Variants in SBNO1 observed in about 807,000 individuals in gnomAD.
SBNO1 encodes the protein strawberry notch homolog 1, also known as protein strawberry notch homolog 1.
In SBNO1, 23 loss-of-function variants were observed where a neutral mutation model predicts 173.6. The ratio of observed to expected loss-of-function variants is 0.13; its 90% CI spans 0.10 to 0.19. SBNO1 has a LOEUF of 0.19. SBNO1 is among the 10% of genes least tolerant of loss of function. SBNO1 has a pLI of 1.00. For missense variants in SBNO1, 1,238 were observed against 1,671.2 expected (o/e 0.74, Z 4.52); for synonymous variants, 632 against 571.5 (o/e 1.11, Z -1.51).
chr12:123,318,495 G>A (rs1869561566), intron 20 of SBNO1, among the ~76,000 whole-genome samples: 1 of 152,006 alleles, frequency 6.6e-6, no homozygotes, highest in South Asian at 2.1e-4. Flanking sequence ...CATTTTGGGA[G>A]GCAGAGGTGG....
Position 123,293,016 on chromosome 12 carries a change from G to C in SBNO1, c.*2892C>G, listed in dbSNP as rs2048534549. 1 of 152,178 alleles carries C rather than the reference G, an allele frequency of 6.6e-6. No homozygotes were observed. Among genetic ancestry groups the C allele is most frequent in the African/African-American group, 2.4e-5 (1 of 41,444 alleles). The allele number at this position is 152,178 out of a possible 1,614,324, so 9.4% of individuals were successfully genotyped here. ...TAACATCTGAGCTGCTTTAGACTCT[G>C]GAAGTGGTTTTCAGTACAATTGACG... is the stretch of plus-strand genomic sequence containing the variant. On this transcript the variant is annotated 3_prime_UTR_variant, in exon 32 of 32. Transcript: ENST00000602398.
intron 23 of SBNO1, among the ~76,000 whole-genome samples, chr12:123,314,571 A>G (rs1593347489): frequency 6.6e-6 from 1 of 151,562 alleles, no homozygotes; most frequent in Non-Finnish European, 1.5e-5. Context: ...CTCGTGATCC[A>G]CCCACCTCGG....
chr12:123,303,688 A>G (rs184184834), intron 29 of SBNO1, among the ~76,000 whole-genome samples: 1 of 152,160 alleles, frequency 6.6e-6, no homozygotes, highest in African/African-American at 2.4e-5. Context: ...TTAGCATAAC[A>G]AAAGTTGACA....
At chr12:123,348,563 G>A (rs1283608316) in intron 2 of SBNO1, among the ~76,000 whole-genome samples, 1 of 152,110 alleles carries the variant, frequency 6.6e-6, no homozygotes, top group Admixed American at 6.6e-5. Context: ...TCAGGAGATC[G>A]AGACCATCCT....
intron 30 of SBNO1, among the ~76,000 whole-genome samples, chr12:123,302,022 C>A (rs1382678011): frequency 1.3e-5 from 2 of 151,834 alleles, no homozygotes; most frequent in African/African-American, 4.8e-5. Context: ...CTCACCACAA[C>A]CTCCGCCTCC....
At chr12:123,332,167 CATATTTACTGTATATT>C (rs1474644879) in intron 7 of SBNO1, among the ~76,000 whole-genome samples, 1 of 152,138 alleles carries the variant, frequency 6.6e-6, no homozygotes, top group Non-Finnish European at 1.5e-5. Context: ...ATACTTTCTA[CATATTTACTGTATATT>C]ATCTCCTGCT....
At chr12:123,343,473 C>A (rs1872774494) in intron 4 of SBNO1, among the ~76,000 whole-genome samples, 2 of 151,532 alleles carry the variant, frequency 1.3e-5, no homozygotes, top group Admixed American at 1.3e-4. Flanking sequence ...TTTTCCCCTT[C>A]AGTAAAAAGA....
At chr12:123,297,098 G>A (rs999382634) in intron 31 of SBNO1, among the ~76,000 whole-genome samples, 10 of 150,340 alleles carry the variant, frequency 6.7e-5, no homozygotes, top group African/African-American at 2.4e-4. Context: ...GGTGGCTCAC[G>A]CCTATAATCC....
intron 24 of SBNO1, among the ~76,000 whole-genome samples, chr12:123,311,684 C>T (rs1868524019): frequency 7.2e-6 from 1 of 139,202 alleles, no homozygotes; most frequent in African/African-American, 2.7e-5. Flanking sequence ...TTATAATAAA[C>T]AAGTAACCTA....
Position 123,297,502 on chromosome 12 carries a change from T to C in SBNO1, c.4039+476A>G, listed in dbSNP as rs1008675898. 3.3e-4 allele frequency among the ~76,000 whole-genome samples: 49 copies of C among 148,210 alleles called. 1 individual carries two copies. Among genetic ancestry groups the C allele is most frequent in the African/African-American group, 1.1e-3 (46 of 40,522 alleles). On this transcript the variant is annotated intron_variant, in intron 31 of 31. Coordinates refer to ENST00000602398, the MANE Select transcript of SBNO1 (RefSeq NM_001167856.3). ...AAGGCTGCTGTAAGCGAAACCAAGA[T>C]AAGCAAACAGAGTCCAGTTGCTGCC...
At chr12:123,297,898 A>C (rs3803001) in intron 31 of SBNO1, 80 bp downstream of exon 31, 1 of 1,290,424 alleles carries the variant, frequency 7.7e-7, no homozygotes, top group Admixed American at 1.9e-5. Flanking sequence ...ATGTGGAATA[A>C]AGCTAAGATA....
At position 123,313,687 on chromosome 12, in the gene SBNO1, T is replaced by C. The variant is rs1313444050; in HGVS notation, c.3153A>G (p.Lys1051=). 5 of 1,610,010 alleles carry C rather than the reference T, an allele frequency of 3.1e-6. No homozygotes were observed. In the South Asian group the frequency reaches 5.5e-5, roughly 18 times the overall value. ...YGRNALEIVM[K]SIVNLDSPMV... ...TAGGAGAATCCAAGTTTACAATGGA[T>C]TTCATGACAATTTCTAAAGCATTTC... Residue 1051 remains lysine (K), a synonymous_variant, in exon 24 of 32, where the codon AAA becomes AAG. Coordinates refer to ENST00000602398, the MANE Select transcript of SBNO1 (RefSeq NM_001167856.3).
At chr12:123,363,131 A>AT (rs1875579900) in intron 1 of SBNO1, among the ~76,000 whole-genome samples, 1 of 152,174 alleles carries the variant, frequency 6.6e-6, no homozygotes, top group African/African-American at 2.4e-5. Context: ...ATTATATGGA[A>AT]TAAGTTGGAA....
At chr12:123,303,322 T>C (rs2048839503) in intron 29 of SBNO1, among the ~76,000 whole-genome samples, 1 of 152,162 alleles carries the variant, frequency 6.6e-6, no homozygotes, top group Admixed American at 6.6e-5. Flanking sequence ...CACTGGAAGC[T>C]TCCTTTACTG....
Position 123,313,717 on chromosome 12 carries a change from A to G in SBNO1, c.3123T>C (p.Tyr1041=). 1 of 1,584,692 alleles carries G rather than the reference A, an allele frequency of 6.3e-7. No individual in the cohort carries two copies. Among genetic ancestry groups the G allele is most frequent in the Non-Finnish European group, 8.7e-7 (1 of 1,155,676 alleles). ...TGACAATTTCTAAAGCATTTCTTCC[A>G]TACTGCAAAAAAAAATCAAAACCTT... ...DLSRFNFDNK[Y]GRNALEIVMK... The change falls in exon 24 of 32, where the codon TAT becomes TAC. Residue 1041 remains tyrosine, a splice_region_variant and synonymous_variant. Transcript: ENST00000602398.
chr12:123,338,265 T>C (rs2139028884), intron 5 of SBNO1, among the ~76,000 whole-genome samples: 1 of 152,194 alleles, frequency 6.6e-6, no homozygotes, highest in East Asian at 1.9e-4. Flanking sequence ...ACAAAATACA[T>C]TTGTCAGCCA....
chr12:123,345,442 C>T lies in SBNO1; in HGVS notation c.366G>A (p.Lys122=). ...TTNRQTITLT[K]FIQTTASTRP... ...GTGTGCTTGCAGTAGTCTGGATAAA[C>T]TTAGTTAAAGTGATGGTTTGCCTGT... Residue 122 remains lysine (K), a synonymous_variant, in exon 4 of 32, where the codon AAG becomes AAA. Coordinates refer to ENST00000602398, the MANE Select transcript of SBNO1 (RefSeq NM_001167856.3). 1.2e-6 allele frequency: 2 copies of T among 1,614,154 alleles called. No individual in the cohort carries two copies. Among genetic ancestry groups the T allele is most frequent in the Admixed American group, 1.7e-5 (1 of 59,998 alleles).
chr12:123,307,800 G>A (rs186665593), intron 28 of SBNO1, among the ~76,000 whole-genome samples: 3 of 152,224 alleles, frequency 2.0e-5, no homozygotes, highest in Admixed American at 6.5e-5. Context: ...TGCCAGGCGC[G>A]GTGGCTCATG....
chr12:123,342,041 C>T (rs919885043), intron 4 of SBNO1, among the ~76,000 whole-genome samples: 9 of 151,746 alleles, frequency 5.9e-5, no homozygotes, highest in Non-Finnish European at 4.4e-5. Flanking sequence ...CAGTGGCTCA[C>T]GCCTGTAATC....
Sources: gnomAD v4.1 joint callset for allele counts (sites outside exome capture counted in the v4.1 genomes callset) on GRCh38, gnomAD v4.1.1 for gene constraint, MANE v1.5 for transcripts, NCBI Gene and HGNC (gene_info 2026-07-23, HGNC 2026-07-21) for gene names.